CSMD3: variants seen among roughly 807,000 people sequenced by gnomAD.
CSMD3 encodes the protein CUB and Sushi multiple domains 3.
Under a neutral mutation model 435.2 loss-of-function variants are expected in CSMD3, and 177 were observed. The observed-to-expected ratio is 0.41, with a 90% CI of 0.36 to 0.46. CSMD3 has a LOEUF of 0.46. CSMD3 is among the 20% of genes least tolerant of loss of function. The probability of loss-of-function intolerance (pLI) is 0.34; values close to 1 mark genes in which losing one functional copy is unlikely to be tolerated. For missense variants in CSMD3, 4,265 were observed against 4,504.6 expected, an observed-to-expected ratio of 0.95 and a Z score of 1.52; for synonymous variants, 1,656 against 1,520.5, an observed-to-expected ratio of 1.09 and a Z score of -2.07.
chr8:112,303,557 AAAAC>A (rs960329413), intron 52 of CSMD3, among the ~76,000 whole-genome samples: 159 of 152,206 alleles, frequency 1.0e-3, no homozygotes, highest in African/African-American at 3.4e-3. Flanking sequence ...TCTTTCTCAA[AAAAC>A]AAACAAACAA....
intron 61 of CSMD3, chr8:112,255,632 G>C (rs1189160424): frequency 1.8e-6 from 1 of 559,486 alleles, no homozygotes; most frequent in Non-Finnish European, 3.1e-6. Flanking sequence ...TTAAAAATTA[G>C]CTCGATTTCG....
chr8:112,475,790 C>T (rs1338666930), intron 31 of CSMD3, among the ~76,000 whole-genome samples: 1 of 152,102 alleles, frequency 6.6e-6, no homozygotes, highest in Non-Finnish European at 1.5e-5. Flanking sequence ...ATCTTATTGG[C>T]TAATGGAGAA....
chr8:113,297,934 T>C (rs911659058), intron 2 of CSMD3, among the ~76,000 whole-genome samples: 7 of 152,044 alleles, frequency 4.6e-5, no homozygotes, highest in Non-Finnish European at 1.0e-4. Context: ...CAAATTTAGA[T>C]GTGATTAAGC....
At chr8:113,194,726 A>T (rs1195486023) in intron 3 of CSMD3, among the ~76,000 whole-genome samples, 1 of 151,296 alleles carries the variant, frequency 6.6e-6, no homozygotes, top group East Asian at 2.0e-4. Context: ...AAAGTTTTTT[A>T]AATTTTTCGA....
chr8:112,519,117 T>C (rs1383096145), intron 27 of CSMD3, among the ~76,000 whole-genome samples: 2 of 152,022 alleles, frequency 1.3e-5, no homozygotes, highest in African/African-American at 4.8e-5. Context: ...AGATGAGATT[T>C]GGGTGGTGAC....
rs778716488 is a variant in CSMD3 at position 112,550,707 on chromosome 8, A to G, written c.4528T>C (p.Tyr1510His). ...ATTGCAAATCCAGATTTGCTAATAT[A>G]AAAATCCGTGTCAAACTGGATGGTT... ...IVTIQFDTDF[Y>H]ISKSGFAIQF... Residue 1510 changes from tyrosine (Y) to histidine (H), a missense_variant, in exon 27 of 71, where the codon TAT becomes CAT. Coordinates refer to ENST00000297405, the MANE Select transcript of CSMD3 (RefSeq NM_198123.2). The G allele has an allele frequency of 6.8e-6, 11 of 1,608,444 alleles. No homozygotes were observed. Among genetic ancestry groups the G allele is most frequent in the Admixed American group, 1.7e-5 (1 of 59,848 alleles).
chr8:112,947,789 C>G lies in CSMD3; in HGVS notation c.1508+1G>C. 7.9e-7 allele frequency: 1 copy of G among 1,265,654 alleles called. No individual in the cohort carries two copies. The highest frequency in any genetic ancestry group is 1.2e-6 in the Non-Finnish European group (1 of 865,404). 78.4% of individuals were successfully genotyped at this position (1,265,654 alleles called of 1,614,324 possible). On this transcript the variant is annotated splice_donor_variant, in intron 9 of 70. Coordinates refer to ENST00000297405, the MANE Select transcript of CSMD3 (RefSeq NM_198123.2). LOFTEE classifies it high-confidence loss of function. Reference sequence around the variant, plus strand: ...ATGAAGTCAATATTTTAAAATATTACCTAAAATCTGATCCGATTCTCTTCC... The same window carrying G: ...ATGAAGTCAATATTTTAAAATATTAGCTAAAATCTGATCCGATTCTCTTCC...
intron 5 of CSMD3, among the ~76,000 whole-genome samples, chr8:113,052,236 A>G (rs2088127237): frequency 6.6e-6 from 1 of 152,174 alleles, no homozygotes; most frequent in Admixed American, 6.5e-5. Flanking sequence ...ATTCTGACCA[A>G]AGGAGAAGTG....
chr8:112,275,827 A>C (rs1480319992), intron 59 of CSMD3, among the ~76,000 whole-genome samples: 1 of 152,172 alleles, frequency 6.6e-6, no homozygotes, highest in East Asian at 1.9e-4. Flanking sequence ...GTTACAATTA[A>C]AGATGAGATT....
At chr8:112,445,696 A>T (rs1293304340) in intron 32 of CSMD3, among the ~76,000 whole-genome samples, 1 of 152,166 alleles carries the variant, frequency 6.6e-6, no homozygotes, top group Non-Finnish European at 1.5e-5. Context: ...GGGACAAAAC[A>T]TCCAAACCAC....
At position 112,765,069 on chromosome 8, in the gene CSMD3, T is replaced by C. The variant is rs547598895; in HGVS notation, c.1972+35093A>G. 6.6e-5 allele frequency among the ~76,000 whole-genome samples: 10 copies of C among 151,708 alleles called. No individual in the cohort carries two copies. In the South Asian group the frequency reaches 1.9e-3, roughly 28 times the overall value. ...AGGTGGACAGCGTCATAAGATCTGA[T>C]CATGAAGAGCTTTTAATACCTTTAT... is the stretch of plus-strand genomic sequence containing the variant. On this transcript the variant is annotated intron_variant, in intron 13 of 70. Coordinates refer to ENST00000297405, the MANE Select transcript of CSMD3 (RefSeq NM_198123.2).
At position 112,851,062 on chromosome 8, in the gene CSMD3, T is replaced by C. The variant is rs996780424; in HGVS notation, c.1755+8083A>G. Among the ~76,000 whole-genome samples, 6 of 152,348 alleles carry C rather than the reference T, an allele frequency of 3.9e-5. No individual in the cohort carries two copies. The South Asian group carries it at 1.2e-3, about 32-fold the overall frequency. Reference sequence around the variant, plus strand: ...TACTTTTGTTTTTAATATAACATTATATTTTAGTTCAGATGATTTCAATTT... The same window carrying C: ...TACTTTTGTTTTTAATATAACATTACATTTTAGTTCAGATGATTTCAATTT... On this transcript the variant is annotated intron_variant, in intron 11 of 70. Coordinates refer to ENST00000297405, the MANE Select transcript of CSMD3 (RefSeq NM_198123.2).
intron 1 of CSMD3, among the ~76,000 whole-genome samples, chr8:113,319,084 A>T (rs1360312393): frequency 6.6e-6 from 1 of 152,014 alleles, no homozygotes; most frequent in African/African-American, 2.4e-5. Context: ...TTGCTGGGTC[A>T]TATAGTGGTT....
chr8:112,578,575 T>C (rs1354268829), intron 23 of CSMD3, among the ~76,000 whole-genome samples: 2 of 151,932 alleles, frequency 1.3e-5, no homozygotes, highest in Admixed American at 1.3e-4. Flanking sequence ...ACCGGTGTGC[T>C]GGAAAATGTT....
chr8:112,580,278 T>C (rs1830244281), intron 23 of CSMD3, among the ~76,000 whole-genome samples: 4 of 151,952 alleles, frequency 2.6e-5, no homozygotes, highest in Admixed American at 2.6e-4. Flanking sequence ...AAGTTCAGTA[T>C]TTCTGCAATA....
chr8:112,756,750 T>A (rs1563930419), intron 13 of CSMD3, among the ~76,000 whole-genome samples: 1 of 149,972 alleles, frequency 6.7e-6, no homozygotes, highest in African/African-American at 2.5e-5. Flanking sequence ...CTCCCTCCTT[T>A]AAAAAAAATT....
chr8:112,389,431 A>T (rs1008041240), intron 36 of CSMD3, among the ~76,000 whole-genome samples: 4 of 152,158 alleles, frequency 2.6e-5, no homozygotes, highest in Admixed American at 2.6e-4. Flanking sequence ...TTGATTCGTT[A>T]TCTTCAAATT....
rs1818701098 is a variant in CSMD3, at chr8:112,473,239, A to AT, written c.5279-533dup. Reference sequence around the variant, plus strand: ...GTTGATTGTGCCTTGAGGCAGACTTATTGGCTACCTCAGGCCCAATGTGGT... The same window carrying AT: ...GTTGATTGTGCCTTGAGGCAGACTTATTTGGCTACCTCAGGCCCAATGTGGT... On this transcript the variant is annotated intron_variant, in intron 31 of 70. Coordinates refer to ENST00000297405, the MANE Select transcript of CSMD3 (RefSeq NM_198123.2). 3.3e-5 allele frequency among the ~76,000 whole-genome samples: 5 copies of AT among 152,232 alleles called. No individual in the cohort carries two copies. In the South Asian group the frequency reaches 1.0e-3, roughly 32 times the overall value.
intron 24 of CSMD3, among the ~76,000 whole-genome samples, chr8:112,560,437 T>G (rs1278531445): frequency 6.6e-6 from 1 of 151,744 alleles, no homozygotes; most frequent in African/African-American, 2.4e-5. Context: ...TGCTCAGTAA[T>G]GTTCATGATT....
Sources: allele counts gnomAD v4.1 joint callset (sites outside exome capture counted in the v4.1 genomes callset), GRCh38; gene constraint gnomAD v4.1.1; transcripts MANE v1.5; gene names NCBI Gene and HGNC (gene_info 2026-07-23, HGNC 2026-07-21).